The following HINFP variants were observed in gnomAD, a reference collection of about 807,000 sequenced individuals.
The protein encoded by HINFP is histone H4 transcription factor.
In HINFP, 20 loss-of-function variants were observed where a neutral mutation model predicts 50.1. That is an observed-to-expected ratio of 0.40 (90% CI 0.28 to 0.58). The LOEUF (loss-of-function observed/expected upper bound fraction) is 0.58. Among genes scored for constraint, HINFP ranks in the 20% least tolerant of loss-of-function variants. The pLI, the probability that HINFP is intolerant of heterozygous loss-of-function variation, is 0.45. For synonymous variants in HINFP, 247 were observed against 243.7 expected (o/e 1.01, Z -0.13); for missense variants, 505 against 664.1 (o/e 0.76, Z 2.63).
chr11:119,122,185 C>T (rs1478196163), intron 1 of HINFP, among the ~76,000 whole-genome samples: 1 of 152,150 alleles, frequency 6.6e-6, no homozygotes, highest in African/African-American at 2.4e-5. Flanking sequence ...GATCATGCCC[C>T]TATCTCCTCA....
At chr11:119,122,000 G>C (rs1947090430) in intron 1 of HINFP, 1 of 152,270 alleles carries the variant, frequency 6.6e-6, no homozygotes, top group Non-Finnish European at 1.5e-5. Flanking sequence ...CTCTGTCCTG[G>C]TCTCCCTCAT....
At chr11:119,125,848 A>G (rs1225134017) in intron 1 of HINFP, 1 of 152,222 alleles carries the variant, frequency 6.6e-6, no homozygotes, top group Non-Finnish European at 1.5e-5. Flanking sequence ...AGGTAAAGGC[A>G]GATTGTATGG....
intron 2 of HINFP, among the ~76,000 whole-genome samples, chr11:119,129,416 C>T (rs1343468222): frequency 6.6e-6 from 1 of 151,944 alleles, no homozygotes; most frequent in Non-Finnish European, 1.5e-5. Flanking sequence ...AAGTGATCCT[C>T]CTGCCTCAGC....
In HINFP at chr11:119,132,079, C is replaced by G. The variant is rs951506523; in HGVS notation, c.676+97C>G. ...GGGGGTGGCCACTGAAGAGACCTGC[C>G]TTTTGGCTGCCTCTTCTTTTTGGGC... On this transcript the variant is annotated intron_variant, in intron 5 of 9. Transcript: ENST00000350777. The G allele has an allele frequency of 2.9e-6, 4 of 1,365,466 alleles. No individual in the cohort carries two copies. In the Admixed American group the frequency reaches 7.7e-5, roughly 26 times the overall value. 84.6% of individuals were successfully genotyped at this position (1,365,466 alleles called of 1,614,324 possible).
At chr11:119,130,490 T>C (rs2135063810) in intron 2 of HINFP, 1 of 528,348 alleles carries the variant, frequency 1.9e-6, no homozygotes, top group African/African-American at 1.9e-5. Context: ...TCTCCCTGAC[T>C]GAAAGCTATG....
intron 1 of HINFP, among the ~76,000 whole-genome samples, chr11:119,122,880 TG>T (rs751051019): frequency 3.9e-5 from 6 of 152,094 alleles, no homozygotes; most frequent in Non-Finnish European, 8.8e-5. Context: ...CCCAGCACTT[TG>T]TGAGGCCGAG....
In HINFP at chr11:119,133,164, G is replaced by A. The variant is rs368304655; in HGVS notation, c.1084G>A (p.Val362Met). Residue 362 changes from valine (V) to methionine (M), a missense_variant, in exon 9 of 10, where the codon GTG becomes ATG. Coordinates refer to ENST00000350777, the MANE Select transcript of HINFP (RefSeq NM_198971.3). ...KCFTRGNNLTVHLRKKHQFKW... is the reference protein window; with the variant it reads ...KCFTRGNNLTMHLRKKHQFKW... ...CTTCACACGGGGCAACAACCTCACC[G>A]TGCACCTTCGCAAGAAGCACCAGTT... The A allele has an allele frequency of 6.1e-5, 99 of 1,614,190 alleles. No individual in the cohort carries two copies. Among genetic ancestry groups the A allele is most frequent in the East Asian group, 4.7e-4 (21 of 44,896 alleles).
chr11:119,131,483 G>T lies in HINFP; in HGVS notation c.412-52G>T. ...CCAAGAATTCTTCGGGCACATAGGG[G>T]TGAGTCCCTCTACCCACCCTCAGTC... is the stretch of plus-strand genomic sequence containing the variant. On this transcript the variant is annotated intron_variant, in intron 3 of 9. Coordinates refer to ENST00000350777, the MANE Select transcript of HINFP (RefSeq NM_198971.3). The surrounding 1 kb of genome is among the most constrained non-coding windows in gnomAD (Gnocchi z 4.2). 2 of 1,231,156 alleles carry T rather than the reference G, an allele frequency of 1.6e-6. No individual in the cohort carries two copies. Among genetic ancestry groups the T allele is most frequent in the African/African-American group, 1.5e-5 (1 of 67,622 alleles). 76.3% of individuals were successfully genotyped at this position (1,231,156 alleles called of 1,614,324 possible).
Position 119,131,450 on chromosome 11 carries a change from G to T in HINFP, c.412-85G>T, listed in dbSNP as rs1386818003. ...TTCCCATCCCCATCAAGTTAATTTG[G>T]GAGAGAGCCAAGAATTCTTCGGGCA... On this transcript the variant is annotated intron_variant, in intron 3 of 9. Coordinates refer to ENST00000350777, the MANE Select transcript of HINFP (RefSeq NM_198971.3). This position sits in a 1 kb window ranked among gnomAD's most constrained non-coding sequence, Gnocchi z 4.2. 11 of 930,196 alleles carry T rather than the reference G, an allele frequency of 1.2e-5. No homozygotes were observed. Among genetic ancestry groups the T allele is most frequent in the Non-Finnish European group, 2.0e-5 (11 of 559,454 alleles). The allele number at this position is 930,196 out of a possible 1,614,324, so 57.6% of individuals were successfully genotyped here.
intron 6 of HINFP, 39 bp from the exon 7 acceptor site, chr11:119,132,622 C>G (rs755886037): frequency 2.5e-6 from 4 of 1,614,006 alleles, no homozygotes. Context: ...CAAGGTTCCA[C>G]AAGTTCTCAC....
At chr11:119,127,432 C>A (rs576650239) in intron 2 of HINFP, 4 of 159,452 alleles carry the variant, frequency 2.5e-5, no homozygotes, top group East Asian at 1.4e-4. Flanking sequence ...TTTTTTTAAT[C>A]ATTCTGTACA....
At chr11:119,123,616 C>G (rs933692273) in intron 1 of HINFP, 2 of 148,216 alleles carry the variant, frequency 1.3e-5, no homozygotes, top group African/African-American at 5.0e-5. Context: ...GATCTTGGCT[C>G]TTTGCAACCT....
In HINFP at chr11:119,130,934, T is replaced by C; in HGVS notation, c.391T>C (p.Cys131Arg). The C allele has an allele frequency of 6.2e-7, 1 of 1,614,180 alleles. No individual in the cohort carries two copies. Among genetic ancestry groups the C allele is most frequent in the African/African-American group, 1.3e-5 (1 of 75,048 alleles). ...CCCTGATATCCCTGACCACTTCCTG[T>C]GTCTGTGGGAGCACTGTGAGGTCAG... ...VIPDIPDHFL[C>R]LWEHCENSFD... The change falls in exon 3 of 10, where the codon TGT (cysteine) becomes CGT (arginine). Residue 131 changes from cysteine to arginine, a missense_variant. Coordinates refer to ENST00000350777, the MANE Select transcript of HINFP (RefSeq NM_198971.3).
intron 1 of HINFP, chr11:119,126,652 G>A (rs1371159347): frequency 3.8e-6 from 1 of 260,770 alleles, no homozygotes; most frequent in Non-Finnish European, 7.3e-6. Context: ...TTCCTTCTTG[G>A]TGGGTTGCTC....
In HINFP at chr11:119,121,588, G is replaced by A. The variant is rs1256884216; in HGVS notation, c.-62G>A. Reference sequence around the variant, plus strand: ...TTGACCGTCCCTCAAGCGCCTCTCCGGAGATGGTCTGAGGTGGGAGAAGAG... The same window carrying A: ...TTGACCGTCCCTCAAGCGCCTCTCCAGAGATGGTCTGAGGTGGGAGAAGAG... On this transcript the variant is annotated 5_prime_UTR_variant, in exon 1 of 10. Transcript: ENST00000350777. The A allele has an allele frequency of 1.3e-5, 2 of 152,328 alleles. No homozygotes were observed. The highest frequency in any genetic ancestry group is 2.4e-5 in the African/African-American group (1 of 41,454). The allele number at this position is 152,328 out of a possible 1,614,324, so 9.4% of individuals were successfully genotyped here. A position where few individuals can be genotyped will look rare whatever the true frequency, so the allele number is the denominator to read the frequency against.
At position 119,127,097 on chromosome 11, in the gene HINFP, G is replaced by A. The variant is rs773798027; in HGVS notation, c.153G>A (p.Glu51=). The change falls in exon 2 of 10, where the codon GAG becomes GAA. Residue 51 remains glutamate, a synonymous_variant. Coordinates refer to ENST00000350777, the MANE Select transcript of HINFP (RefSeq NM_198971.3). ...QQHLHGSGEE[E]EEEEEDDPLE... ...ACCTGCATGGCTCTGGGGAGGAGGA[G>A]GAAGAGGAAGAGGAGGATGACCCAC... The A allele has an allele frequency of 4.3e-6, 7 of 1,612,402 alleles. No homozygotes were observed. Among genetic ancestry groups the A allele is most frequent in the East Asian group, 2.2e-5 (1 of 44,810 alleles).
intron 2 of HINFP, among the ~76,000 whole-genome samples, chr11:119,129,635 T>A (rs544665330): frequency 4.6e-5 from 7 of 151,856 alleles, no homozygotes; most frequent in Non-Finnish European, 8.8e-5. Flanking sequence ...TAATTTTTTT[T>A]TGTATTTTTT....
intron 2 of HINFP, 115 bp from the exon 3 acceptor site, chr11:119,130,610 A>AGAGTCCAGCCTCCTCAC (rs886840118): frequency 6.1e-6 from 5 of 822,054 alleles, no homozygotes; most frequent in Middle Eastern, 4.8e-4. Context: ...TAATTTGGTT[A>AGAGTCCAGCCTCCTCAC]GAGTCCAGCC....
At position 119,130,747 on chromosome 11, in the gene HINFP, G is replaced by T; in HGVS notation, c.204G>T (p.Trp68Cys). ...CAGAGGAAGAATTCTCCTGCTTGTG[G>T]CAGGAATGTGGCTTTTGTTCTCTGG... ...DPLEEEFSCL[W>C]QECGFCSLDS... The change falls in exon 3 of 10, where the codon TGG becomes TGT. Residue 68 changes from tryptophan to cysteine, a missense_variant. Trp to Cys is a radical substitution (Grantham distance 215). Transcript: ENST00000350777. The T allele has an allele frequency of 6.2e-7, 1 of 1,614,148 alleles. No individual in the cohort carries two copies. Among genetic ancestry groups the T allele is most frequent in the Non-Finnish European group, 8.5e-7 (1 of 1,180,022 alleles).
Sources: allele counts gnomAD v4.1 joint callset (sites outside exome capture counted in the v4.1 genomes callset), GRCh38; gene constraint gnomAD v4.1.1; non-coding constraint Gnocchi (gnomAD v3.1); transcripts MANE v1.5; gene names NCBI Gene and HGNC (gene_info 2026-07-23, HGNC 2026-07-21).